CTNND2: variants seen among roughly 807,000 people sequenced by gnomAD.
CTNND2 encodes catenin delta 2.
Under a neutral mutation model 144.4 loss-of-function variants are expected in CTNND2, and 22 were observed. The ratio of observed to expected loss-of-function variants is 0.15; its 90% CI spans 0.11 to 0.22. The LOEUF (loss-of-function observed/expected upper bound fraction) is 0.22. Ranked by LOEUF, CTNND2 falls within the 10% of genes least tolerant of loss-of-function variation. CTNND2 has a pLI of 1.00. For missense variants in CTNND2, 1,353 were observed against 1,618.8 expected (o/e 0.84, Z 2.82); for synonymous variants, 751 against 695.6 (o/e 1.08, Z -1.25).
chr5:11,432,542 T>C (rs190443475), intron 3 of CTNND2, among the ~76,000 whole-genome samples: 4 of 152,316 alleles, frequency 2.6e-5, no homozygotes, highest in African/African-American at 9.6e-5. Context: ...CTGCAGAATA[T>C]AATCCAGCCT....
intron 1 of CTNND2, among the ~76,000 whole-genome samples, chr5:11,859,706 C>T (rs1426762069): frequency 2.0e-5 from 3 of 152,130 alleles, no homozygotes; most frequent in Non-Finnish European, 4.4e-5. Context: ...CCTCACACAA[C>T]ATTAGCCTTT....
chr5:11,340,536 A>C (rs1430092937), intron 9 of CTNND2, among the ~76,000 whole-genome samples: 1 of 152,252 alleles, frequency 6.6e-6, no homozygotes, highest in Non-Finnish European at 1.5e-5. Context: ...GATGTGGAGC[A>C]GTGTTTATAA....
chr5:11,770,925 C>A (rs1456231581), intron 1 of CTNND2, among the ~76,000 whole-genome samples: 1 of 152,098 alleles, frequency 6.6e-6, no homozygotes, highest in Admixed American at 6.5e-5. Flanking sequence ...GTTTCAGTTG[C>A]TTTCTGATAC....
At chr5:11,521,040 T>G (rs1246154301) in intron 3 of CTNND2, among the ~76,000 whole-genome samples, 1 of 152,188 alleles carries the variant, frequency 6.6e-6, no homozygotes, top group African/African-American at 2.4e-5. Context: ...ATTTTGTATT[T>G]TAAGTCATAG....
intron 9 of CTNND2, among the ~76,000 whole-genome samples, chr5:11,240,269 C>A: frequency 2.2e-5 from 3 of 135,634 alleles, no homozygotes. Context: ...AACACACACA[C>A]ACCCAACACA....
intron 11 of CTNND2, among the ~76,000 whole-genome samples, chr5:11,170,549 G>A (rs1343362572): frequency 2.0e-5 from 3 of 151,742 alleles, no homozygotes; most frequent in Middle Eastern, 3.4e-3. Flanking sequence ...TAATTCTGCC[G>A]ACCTCTACTA....
At chr5:11,634,159 G>C (rs573663569) in intron 2 of CTNND2, among the ~76,000 whole-genome samples, 1 of 152,060 alleles carries the variant, frequency 6.6e-6, no homozygotes, top group Non-Finnish European at 1.5e-5. Flanking sequence ...ACATTCAACC[G>C]ACTATATACT....
intron 11 of CTNND2, among the ~76,000 whole-genome samples, chr5:11,185,976 C>G (rs772667466): frequency 5.2e-4 from 79 of 152,226 alleles, no homozygotes; most frequent in Non-Finnish European, 9.3e-4. Flanking sequence ...AGCCACAAAT[C>G]AGTTATGCAT....
chr5:11,317,244 A>C (rs1561208305), intron 9 of CTNND2, among the ~76,000 whole-genome samples: 1 of 152,230 alleles, frequency 6.6e-6, no homozygotes, highest in African/African-American at 2.4e-5. Context: ...ACAGCTAGTT[A>C]GTGGAAAACT....
chr5:11,154,467 A>G (rs2057796), intron 12 of CTNND2, among the ~76,000 whole-genome samples: 150,546 of 152,322 alleles, frequency 0.99, 74,403 homozygotes, highest in East Asian at 1. Flanking sequence ...CTTGTGCACA[A>G]AGAAAAACAG....
intron 10 of CTNND2, 119 bp from the exon 11 acceptor site, chr5:11,199,780 C>T (rs1737244034): frequency 9.9e-6 from 7 of 706,556 alleles, no homozygotes; most frequent in Middle Eastern, 3.9e-4. Flanking sequence ...TGAATTAAGG[C>T]ATACAAAAGG....
intron 1 of CTNND2, among the ~76,000 whole-genome samples, chr5:11,803,215 G>A (rs1386782386): frequency 1.3e-5 from 2 of 152,106 alleles, no homozygotes; most frequent in Non-Finnish European, 2.9e-5. Flanking sequence ...AGCTACTCAG[G>A]AGGCTGAGGC....
intron 3 of CTNND2, among the ~76,000 whole-genome samples, chr5:11,507,264 G>T (rs1217972092): frequency 6.6e-6 from 1 of 152,134 alleles, no homozygotes; most frequent in African/African-American, 2.4e-5. Flanking sequence ...ACGAAATGAA[G>T]AATCAAGTCC....
chr5:11,152,344 A>T (rs1337917198), intron 12 of CTNND2, among the ~76,000 whole-genome samples: 1 of 152,194 alleles, frequency 6.6e-6, no homozygotes, highest in Non-Finnish European at 1.5e-5. Context: ...ATAGACACAT[A>T]CTTACCATTT....
At chr5:11,470,976 ATATATTTTT>A (rs1767153379) in intron 3 of CTNND2, among the ~76,000 whole-genome samples, 1 of 95,186 alleles carries the variant, frequency 1.1e-5, no homozygotes, top group Non-Finnish European at 2.0e-5. Context: ...ATATATATAT[ATATATTTTT>A]TTTTTTTTTT....
At chr5:11,037,250 A>C (rs1221050649) in intron 16 of CTNND2, among the ~76,000 whole-genome samples, 1 of 152,236 alleles carries the variant, frequency 6.6e-6, no homozygotes, top group Non-Finnish European at 1.5e-5. Flanking sequence ...TAGTGGTTAT[A>C]ATGAGTAAAC....
chr5:11,622,123 C>T (rs1403557760), intron 2 of CTNND2, among the ~76,000 whole-genome samples: 2 of 152,050 alleles, frequency 1.3e-5, no homozygotes, highest in African/African-American at 2.4e-5. Context: ...GAACATCACC[C>T]CATGCCTTCT....
chr5:11,776,156 T>C (rs1451270959), intron 1 of CTNND2, among the ~76,000 whole-genome samples: 3 of 152,126 alleles, frequency 2.0e-5, no homozygotes, highest in Non-Finnish European at 4.4e-5. Context: ...TTTGTGGTAA[T>C]TGGTTACAAC....
intron 12 of CTNND2, among the ~76,000 whole-genome samples, chr5:11,142,608 C>CTT (rs955587756): frequency 1.9e-4 from 25 of 133,262 alleles, no homozygotes; most frequent in South Asian, 2.5e-4. Flanking sequence ...AATTTAAACT[C>CTT]TTTTTTTTTT....
Sources: allele counts gnomAD v4.1 joint callset (sites outside exome capture counted in the v4.1 genomes callset), GRCh38; gene constraint gnomAD v4.1.1; transcripts MANE v1.5; gene names NCBI Gene and HGNC (gene_info 2026-07-23, HGNC 2026-07-21).